The following BTBD8 variants were observed in gnomAD, a reference collection of about 807,000 sequenced individuals.
BTBD8 encodes the protein BTB/POZ domain-containing protein 8.
In BTBD8, 110 loss-of-function variants were observed where a neutral mutation model predicts 162.9. The ratio of observed to expected loss-of-function variants is 0.68; its 90% CI spans 0.58 to 0.79. The LOEUF (loss-of-function observed/expected upper bound fraction) is 0.79, where lower values mean the gene tolerates loss of function less well. Ranked by LOEUF, BTBD8 falls within the 30% of genes least tolerant of loss-of-function variation. BTBD8 has a pLI of 0.00. For missense variants in BTBD8, 1,905 were observed against 2,085.4 expected, an observed-to-expected ratio of 0.91 and a Z score of 1.68; for synonymous variants, 667 against 716.1, an observed-to-expected ratio of 0.93 and a Z score of 1.10.
chr1:92,088,697 G>C lies in BTBD8; in HGVS notation c.150-1G>C, dbSNP rs1180838414. 3.8e-6 allele frequency: 6 copies of C among 1,571,214 alleles called. No homozygotes were observed. Among genetic ancestry groups the C allele is most frequent in the Non-Finnish European group, 5.2e-6 (6 of 1,160,344 alleles). On this transcript the variant is annotated splice_acceptor_variant, in intron 1 of 17. Transcript: ENST00000636805. LOFTEE classifies it high-confidence loss of function. ...CTATGATTCCTTTTTATTCCTTATAGGCTTCTAAGGGAAGAATTCCATACA... is the reference window on the plus strand; with the variant it reads ...CTATGATTCCTTTTTATTCCTTATACGCTTCTAAGGGAAGAATTCCATACA...
chr1:92,093,344 C>T (rs1441047554), intron 2 of BTBD8, among the ~76,000 whole-genome samples: 1 of 151,988 alleles, frequency 6.6e-6, no homozygotes, highest in Non-Finnish European at 1.5e-5. Flanking sequence ...AGGCATGTGT[C>T]ACCATGCCCG....
intron 7 of BTBD8, among the ~76,000 whole-genome samples, chr1:92,144,121 G>A (rs902878525): frequency 6.6e-6 from 1 of 150,386 alleles, no homozygotes; most frequent in Non-Finnish European, 1.5e-5. Context: ...CTACAGACGC[G>A]TGCCACCATG....
Position 92,176,824 on chromosome 1 carries a change from T to C in BTBD8, c.1636-5T>C, listed in dbSNP as rs1557466497. On this transcript the variant is annotated splice_region_variant and splice_polypyrimidine_tract_variant and intron_variant, in intron 13 of 17. Coordinates refer to ENST00000636805, the MANE Select transcript of BTBD8 (RefSeq NM_001376131.1). Reference sequence around the variant, plus strand: ...ATTACAAAGTATTTTTTTTCTTTTTTATAGCAAAGGAAACAAGTTTCTGAC... The same window carrying C: ...ATTACAAAGTATTTTTTTTCTTTTTCATAGCAAAGGAAACAAGTTTCTGAC... 2 of 1,332,974 alleles carry C rather than the reference T, an allele frequency of 1.5e-6. No homozygotes were observed. The highest frequency in any genetic ancestry group is 2.6e-5 in the East Asian group (1 of 38,372). The allele number at this position is 1,332,974 out of a possible 1,614,324, so 82.6% of individuals were successfully genotyped here. A position where few individuals can be genotyped will look rare whatever the true frequency, so the allele number is the denominator to read the frequency against.
chr1:92,130,903 A>G (rs567172060), intron 5 of BTBD8, among the ~76,000 whole-genome samples: 2 of 152,286 alleles, frequency 1.3e-5, no homozygotes, highest in Non-Finnish European at 2.9e-5. Flanking sequence ...GGGTTTTGCC[A>G]TGTTGGCCAG....
intron 7 of BTBD8, among the ~76,000 whole-genome samples, chr1:92,146,289 A>T (rs186322166): frequency 8.4e-4 from 127 of 151,292 alleles, no homozygotes; most frequent in Middle Eastern, 3.4e-3. Flanking sequence ...AACAGACTTT[A>T]AAAAAAAACA....
At chr1:92,143,656 G>A (rs1023963006) in intron 7 of BTBD8, among the ~76,000 whole-genome samples, 13 of 151,900 alleles carry the variant, frequency 8.6e-5, no homozygotes, top group African/African-American at 3.1e-4. Context: ...GAGTACAGGA[G>A]CGTGCCACCA....
chr1:92,118,282 C>CT lies in BTBD8; in HGVS notation c.662+10301dup, dbSNP rs3040583. 9.5e-3 allele frequency among the ~76,000 whole-genome samples: 1,166 copies of CT among 122,266 alleles called. 18 individuals carry two copies. The highest frequency in any genetic ancestry group is 0.029 in the African/African-American group (936 of 32,394). The allele number at this position is 122,266 out of a possible 152,430, so 80.2% of individuals were successfully genotyped here. On this transcript the variant is annotated intron_variant, in intron 4 of 17. Transcript: ENST00000636805. The stretch of plus-strand genomic sequence containing the variant: ...TGGCTGTAACAGTTTTTCAGACTTT[C>CT]TTTTTTTTTTTTTTTTTTTTGATGA...
intron 4 of BTBD8, chr1:92,125,650 A>T (rs535580192): frequency 1.6e-4 from 50 of 315,352 alleles, no homozygotes; most frequent in Non-Finnish European, 2.9e-4. Flanking sequence ...TGTTAGAAAG[A>T]TTATACCAAA....
intron 4 of BTBD8, among the ~76,000 whole-genome samples, chr1:92,119,608 A>G (rs949936931): frequency 3.3e-5 from 5 of 150,368 alleles, no homozygotes; most frequent in Non-Finnish European, 5.9e-5. Flanking sequence ...TCCTTATTCT[A>G]TAAGCTCTTT....
At chr1:92,129,193 A>T (rs910205803) in intron 4 of BTBD8, among the ~76,000 whole-genome samples, 6 of 152,154 alleles carry the variant, frequency 3.9e-5, no homozygotes, top group Non-Finnish European at 7.4e-5. Context: ...CAGCAAGGGC[A>T]TTGGAATTAA....
At chr1:92,105,177 C>T (rs1648694841) in intron 3 of BTBD8, among the ~76,000 whole-genome samples, 1 of 152,184 alleles carries the variant, frequency 6.6e-6, no homozygotes, top group Non-Finnish European at 1.5e-5. Flanking sequence ...TGTGATCCGC[C>T]CGCCTCAGCC....
At chr1:92,143,323 T>C (rs1259298524) in intron 7 of BTBD8, among the ~76,000 whole-genome samples, 2 of 152,142 alleles carry the variant, frequency 1.3e-5, no homozygotes, top group Non-Finnish European at 2.9e-5. Context: ...TTTTTTTTAA[T>C]ATGTGGATGA....
chr1:92,140,650 G>A (rs754461652), intron 6 of BTBD8, among the ~76,000 whole-genome samples: 1 of 152,094 alleles, frequency 6.6e-6, no homozygotes, highest in Non-Finnish European at 1.5e-5. Context: ...CTTGCCAAAT[G>A]AAAGAAGCAA....
chr1:92,091,910 C>T (rs1047122729), intron 2 of BTBD8, among the ~76,000 whole-genome samples: 13 of 152,148 alleles, frequency 8.5e-5, no homozygotes, highest in African/African-American at 3.1e-4. Context: ...TCCTCCTCTC[C>T]CTTCTTTTCC....
Position 92,180,343 on chromosome 1 carries a change from A to ACC in BTBD8, c.2661_2662dup (p.His888ProfsTer30), listed in dbSNP as rs1161157164. The ACC allele has an allele frequency of 6.4e-7, 1 of 1,551,620 alleles. No individual in the cohort carries two copies. The highest frequency in any genetic ancestry group is 1.2e-5 in the South Asian group (1 of 84,020). ...TCTGATGAAAATGTGGCAAAGTTGG[A>ACC]CCACAATACAACTACAGAGAAACAA... On this transcript the variant is annotated frameshift_variant, in exon 17 of 18. Transcript: ENST00000636805. LOFTEE classifies it high-confidence loss of function.
At chr1:92,087,497 A>G (rs1648192327) in intron 1 of BTBD8, among the ~76,000 whole-genome samples, 1 of 152,204 alleles carries the variant, frequency 6.6e-6, no homozygotes, top group African/African-American at 2.4e-5. Flanking sequence ...GAAAGCTTTT[A>G]TGCTCTGAAG....
chr1:92,174,761 G>A (rs1337629216), intron 13 of BTBD8, among the ~76,000 whole-genome samples: 1 of 152,164 alleles, frequency 6.6e-6, no homozygotes, highest in East Asian at 1.9e-4. Flanking sequence ...GGCATAAGCT[G>A]AGACCCAAAG....
At chr1:92,142,567 A>G (rs1649803234) in intron 7 of BTBD8, among the ~76,000 whole-genome samples, 1 of 152,226 alleles carries the variant, frequency 6.6e-6, no homozygotes, top group Non-Finnish European at 1.5e-5. Context: ...GTAAGGAACT[A>G]CAGTTATTGT....
intron 2 of BTBD8, among the ~76,000 whole-genome samples, chr1:92,094,381 A>G (rs893178607): frequency 6.6e-6 from 1 of 152,236 alleles, no homozygotes; most frequent in African/African-American, 2.4e-5. Flanking sequence ...AGGCAAAAGG[A>G]AGGGAGTACA....
Sources: allele counts gnomAD v4.1 joint callset (sites outside exome capture counted in the v4.1 genomes callset), GRCh38; gene constraint gnomAD v4.1.1; transcripts MANE v1.5; gene names NCBI Gene and HGNC (gene_info 2026-07-23, HGNC 2026-07-21).